Variants in TAOK1 observed in about 807,000 individuals in gnomAD.
TAOK1 encodes serine/threonine-protein kinase TAO1.
A neutral mutation model predicts 138.3 loss-of-function variants in TAOK1; 21 were observed. The observed-to-expected ratio is 0.15, with a 90% confidence interval of 0.11 to 0.22. The LOEUF (loss-of-function observed/expected upper bound fraction) is 0.22. TAOK1 is among the 10% of genes least tolerant of loss of function. The probability of loss-of-function intolerance (pLI) is 1.00; values close to 1 mark genes in which losing one functional copy is unlikely to be tolerated. For synonymous variants in TAOK1, 361 were observed against 398.4 expected, an observed-to-expected ratio of 0.91 and a Z score of 1.12; for missense variants, 651 against 1,227.7, an observed-to-expected ratio of 0.53 and a Z score of 7.02.
chr17:29,471,523 C>A (rs1311927777), intron 3 of TAOK1, among the ~76,000 whole-genome samples: 2 of 151,840 alleles, frequency 1.3e-5, no homozygotes, highest in Non-Finnish European at 2.9e-5. Context: ...GTGATCCCCC[C>A]ACCTCGGCCT....
rs561814297 is a variant in TAOK1, at chr17:29,416,639, G to T, written c.-95+25615G>T. Among the ~76,000 whole-genome samples, 165 of 152,120 alleles carry T rather than the reference G, an allele frequency of 1.1e-3. 1 individual carries two copies. The highest frequency in any genetic ancestry group is 2.0e-3 in the Non-Finnish European group (135 of 67,988). On this transcript the variant is annotated intron_variant, in intron 1 of 19. Transcript: ENST00000261716. ...TATTGCAAGCCGAAACTATGTATTT[G>T]CCATCTTTTAGGCTTGTTTAATTTT...
At position 29,546,430 on chromosome 17, in the gene TAOK1, A is replaced by G. The variant is rs1468009494; in HGVS notation, c.*3408A>G. The G allele has an allele frequency of 1.3e-5, 2 of 152,178 alleles. No homozygotes were observed. Among genetic ancestry groups the G allele is most frequent in the Non-Finnish European group, 2.9e-5 (2 of 67,994 alleles). The allele number at this position is 152,178 out of a possible 1,614,324, so 9.4% of individuals were successfully genotyped here. On this transcript the variant is annotated 3_prime_UTR_variant, in exon 20 of 20. Coordinates refer to ENST00000261716, the MANE Select transcript of TAOK1 (RefSeq NM_020791.4). ...ACTCTATGAGTGTCTTTTTGAGACC[A>G]TAAAGCAGACTTTAGTAACTTTCTA...
At chr17:29,515,487 CAT>C (rs1171906149) in intron 15 of TAOK1, among the ~76,000 whole-genome samples, 7 of 152,118 alleles carry the variant, frequency 4.6e-5, no homozygotes, top group African/African-American at 7.2e-5. Context: ...AAAAGATACA[CAT>C]GTTTTCTGGT....
At chr17:29,513,227 A>G (rs2031756339) in intron 15 of TAOK1, 1 of 152,070 alleles carries the variant, frequency 6.6e-6, no homozygotes, top group African/African-American at 2.4e-5. Context: ...CTTGTTGTGT[A>G]CCTATTGGTG....
intron 3 of TAOK1, among the ~76,000 whole-genome samples, chr17:29,473,135 G>A (rs1241324510): frequency 2.6e-5 from 4 of 152,176 alleles, no homozygotes; most frequent in African/African-American, 9.6e-5. Context: ...AGGCTTTGTT[G>A]TTTCATTGAA....
chr17:29,515,999 C>T (rs912341125), intron 15 of TAOK1, among the ~76,000 whole-genome samples: 3 of 151,636 alleles, frequency 2.0e-5, no homozygotes, highest in Admixed American at 6.6e-5. Flanking sequence ...TCTTGTTGCC[C>T]AGGCTGGAGT....
intron 2 of TAOK1, among the ~76,000 whole-genome samples, chr17:29,466,619 G>T (rs2030675689): frequency 6.6e-6 from 1 of 152,102 alleles, no homozygotes; most frequent in Admixed American, 6.5e-5. Context: ...AAATTAATGG[G>T]ATAGCTCTTC....
At chr17:29,508,950 C>T (rs1442464032) in intron 14 of TAOK1, among the ~76,000 whole-genome samples, 1 of 152,016 alleles carries the variant, frequency 6.6e-6, no homozygotes, top group Non-Finnish European at 1.5e-5. Flanking sequence ...CACACAATAT[C>T]ATTAAAATAT....
intron 10 of TAOK1, among the ~76,000 whole-genome samples, chr17:29,492,224 A>G (rs2031308542): frequency 6.6e-6 from 1 of 152,158 alleles, no homozygotes; most frequent in African/African-American, 2.4e-5. Context: ...AATGATTGTA[A>G]AGAATGTGTT....
At chr17:29,471,864 C>CT (rs2030826456) in intron 3 of TAOK1, among the ~76,000 whole-genome samples, 1 of 152,224 alleles carries the variant, frequency 6.6e-6, no homozygotes, top group Admixed American at 6.5e-5. Context: ...CTCTGTAACT[C>CT]TGTTACTGCT....
intron 19 of TAOK1, among the ~76,000 whole-genome samples, chr17:29,539,435 T>A (rs2032278746): frequency 6.6e-6 from 1 of 152,074 alleles, no homozygotes; most frequent in Non-Finnish European, 1.5e-5. Flanking sequence ...TTTTGTTTTG[T>A]TTTGTTTTTT....
At chr17:29,516,929 TCTC>T (rs2031827048) in intron 15 of TAOK1, among the ~76,000 whole-genome samples, 2 of 151,874 alleles carry the variant, frequency 1.3e-5, no homozygotes, top group South Asian at 4.2e-4. Context: ...CTCAAGCAAT[TCTC>T]CTGCCTCAGC....
At chr17:29,417,125 C>A (rs1326420112) in intron 1 of TAOK1, among the ~76,000 whole-genome samples, 1 of 152,140 alleles carries the variant, frequency 6.6e-6, no homozygotes, top group African/African-American at 2.4e-5. Flanking sequence ...GCAATTCTGC[C>A]TGCCTCAGCC....
chr17:29,480,825 G>A (rs1335771677), intron 7 of TAOK1, among the ~76,000 whole-genome samples: 1 of 133,760 alleles, frequency 7.5e-6, no homozygotes, highest in African/African-American at 2.9e-5. Context: ...AGCCGAGATT[G>A]TGCCACTGTA....
intron 3 of TAOK1, among the ~76,000 whole-genome samples, chr17:29,474,277 A>G (rs2030895368): frequency 6.6e-6 from 1 of 152,286 alleles, no homozygotes; most frequent in Non-Finnish European, 1.5e-5. Context: ...TTACCTTCTT[A>G]TCATTCATAT....
chr17:29,442,389 G>GT (rs531137552), intron 1 of TAOK1, among the ~76,000 whole-genome samples: 3,670 of 130,360 alleles, frequency 0.028, 118 homozygotes, highest in African/African-American at 0.083. Context: ...ATTTTTTTCT[G>GT]TTTTTTTTTT....
intron 2 of TAOK1, among the ~76,000 whole-genome samples, chr17:29,458,278 A>G (rs1284133800): frequency 6.6e-6 from 1 of 152,194 alleles, no homozygotes; most frequent in Non-Finnish European, 1.5e-5. Flanking sequence ...TGATTTCAGT[A>G]AATATCAAGG....
At chr17:29,513,830 G>A (rs1319293332) in intron 15 of TAOK1, 1 of 152,232 alleles carries the variant, frequency 6.6e-6, no homozygotes, top group Non-Finnish European at 1.5e-5. Flanking sequence ...TATAATCCCA[G>A]CTACTCAGGA....
At chr17:29,428,911 G>A (rs899824465) in intron 1 of TAOK1, among the ~76,000 whole-genome samples, 8 of 152,016 alleles carry the variant, frequency 5.3e-5, no homozygotes, top group African/African-American at 1.9e-4. Context: ...GGGATTACAG[G>A]TGTGAGCCAC....
Sources: gnomAD v4.1 joint callset for allele counts (sites outside exome capture counted in the v4.1 genomes callset) on GRCh38, gnomAD v4.1.1 for gene constraint, MANE v1.5 for transcripts, NCBI Gene and HGNC (gene_info 2026-07-23, HGNC 2026-07-21) for gene names.